JMY: variants seen among roughly 807,000 people sequenced by gnomAD.
JMY encodes the protein junction mediating and regulatory protein, p53 cofactor.
JMY carries 46 observed loss-of-function variants against 103.3 expected under a neutral mutation model. That is an observed-to-expected ratio of 0.45 (90% CI 0.35 to 0.57). The LOEUF (loss-of-function observed/expected upper bound fraction) is 0.57. Ranked by LOEUF, JMY falls within the 20% of genes least tolerant of loss-of-function variation. The pLI is 0.00. For synonymous variants in JMY, 526 were observed against 489.3 expected, an observed-to-expected ratio of 1.07 and a Z score of -0.99; for missense variants, 1,238 against 1,255.2, an observed-to-expected ratio of 0.99 and a Z score of 0.21.
intron 1 of JMY, among the ~76,000 whole-genome samples, chr5:79,271,466 C>T (rs1232809179): frequency 6.6e-6 from 1 of 152,142 alleles, no homozygotes; most frequent in Non-Finnish European, 1.5e-5. Context: ...TAATTTCTTT[C>T]TTAAATATCT....
chr5:79,278,373 C>T (rs907506398), intron 2 of JMY, among the ~76,000 whole-genome samples: 2 of 151,818 alleles, frequency 1.3e-5, no homozygotes, highest in Non-Finnish European at 2.9e-5. Flanking sequence ...CCTATTTTCT[C>T]CCTTTCCTGC....
intron 1 of JMY, among the ~76,000 whole-genome samples, chr5:79,249,403 G>T (rs560931446): frequency 1.3e-5 from 2 of 152,208 alleles, no homozygotes; most frequent in Admixed American, 1.3e-4. Flanking sequence ...AAAAGGAAAT[G>T]ATATGCCAGC....
At chr5:79,268,244 A>G (rs1257147342) in intron 1 of JMY, among the ~76,000 whole-genome samples, 1 of 152,144 alleles carries the variant, frequency 6.6e-6, no homozygotes, top group Non-Finnish European at 1.5e-5. Flanking sequence ...CTGCCTGTCT[A>G]TCTCTCAGTC....
chr5:79,269,928 A>G (rs1404354990), intron 1 of JMY, among the ~76,000 whole-genome samples: 1 of 151,774 alleles, frequency 6.6e-6, no homozygotes, highest in African/African-American at 2.4e-5. Context: ...ATGATGTCCT[A>G]CTATGTTGCC....
At position 79,247,367 on chromosome 5, in the gene JMY, A is replaced by G. The variant is rs370160120; in HGVS notation, c.1032+9685A>G. On this transcript the variant is annotated intron_variant, in intron 1 of 10. Coordinates refer to ENST00000396137, the MANE Select transcript of JMY (RefSeq NM_152405.5). Reference sequence around the variant, plus strand: ...ACCCAGGCTGGAGTGTGGTGGCGTGATCTCGGTTCACTGCAACCTCCACCT... The same window carrying G: ...ACCCAGGCTGGAGTGTGGTGGCGTGGTCTCGGTTCACTGCAACCTCCACCT... 2.0e-4 allele frequency among the ~76,000 whole-genome samples: 31 copies of G among 151,994 alleles called. No homozygotes were observed. In the South Asian group the frequency reaches 4.6e-3, roughly 22 times the overall value.
chr5:79,271,039 T>C (rs1745768822), intron 1 of JMY, among the ~76,000 whole-genome samples: 1 of 151,968 alleles, frequency 6.6e-6, no homozygotes, highest in African/African-American at 2.4e-5. Context: ...TTGTGGAGGA[T>C]TTTTGTGTCT....
At chr5:79,278,792 TC>T (rs367923795) in intron 2 of JMY, among the ~76,000 whole-genome samples, 8 of 140,044 alleles carry the variant, frequency 5.7e-5, no homozygotes, top group Non-Finnish European at 9.6e-5. Flanking sequence ...TGGGAACATT[TC>T]TTTTTTTTTT....
chr5:79,286,910 TC>T (rs1381353261), intron 2 of JMY, among the ~76,000 whole-genome samples: 1 of 152,156 alleles, frequency 6.6e-6, no homozygotes, highest in Non-Finnish European at 1.5e-5. Context: ...CTAAGGTACT[TC>T]CAGAGGAAGC....
At chr5:79,317,540 A>C (rs897452610) in intron 10 of JMY, among the ~76,000 whole-genome samples, 1 of 152,218 alleles carries the variant, frequency 6.6e-6, no homozygotes, top group Non-Finnish European at 1.5e-5. Flanking sequence ...AAATTTATAG[A>C]GTATACAAAC....
chr5:79,250,560 C>T (rs886510769), intron 1 of JMY, among the ~76,000 whole-genome samples: 24 of 151,886 alleles, frequency 1.6e-4, no homozygotes, highest in African/African-American at 5.6e-4. Context: ...CCTCTGGAAG[C>T]CCTTAAAAAT....
intron 10 of JMY, among the ~76,000 whole-genome samples, chr5:79,318,223 C>T (rs930391050): frequency 2.0e-5 from 3 of 151,324 alleles, no homozygotes; most frequent in African/African-American, 7.3e-5. Flanking sequence ...CCATCTTGGC[C>T]AGGCTGGTCT....
chr5:79,237,793 T>A, intron 1 of JMY, 111 bp downstream of exon 1: 1 of 956,608 alleles, frequency 1.0e-6, no homozygotes, highest in Non-Finnish European at 1.5e-6. Flanking sequence ...GTTGTTTTTC[T>A]GGACAAGCGG....
intron 9 of JMY, among the ~76,000 whole-genome samples, chr5:79,315,166 T>A (rs1428443597): frequency 6.6e-6 from 1 of 152,074 alleles, no homozygotes; most frequent in Non-Finnish European, 1.5e-5. Flanking sequence ...TTTAAAAAAA[T>A]ACTCATATCA....
intron 1 of JMY, among the ~76,000 whole-genome samples, chr5:79,243,996 TCTTTTTTTC>T (rs1413503774): frequency 6.6e-6 from 1 of 151,712 alleles, no homozygotes; most frequent in African/African-American, 2.4e-5. Flanking sequence ...CTTTCTTTTT[TCTTTTTTTC>T]CTTTTTTTTT....
At position 79,324,893 on chromosome 5, in the gene JMY, C is replaced by CT. The variant is rs1195707672; in HGVS notation, c.*3292dup. On this transcript the variant is annotated 3_prime_UTR_variant, in exon 11 of 11. Coordinates refer to ENST00000396137, the MANE Select transcript of JMY (RefSeq NM_152405.5). ...ATAATTTTCAGCACTTTGACTTACTCTATGTAATAAGGAAAAAAATTGTTT... is the reference window on the plus strand; with the variant it reads ...ATAATTTTCAGCACTTTGACTTACTCTTATGTAATAAGGAAAAAAATTGTTT... 1 of 152,544 alleles carries CT rather than the reference C, an allele frequency of 6.6e-6. No individual in the cohort carries two copies. The highest frequency in any genetic ancestry group is 6.6e-5 in the Admixed American group (1 of 15,264). 9.4% of individuals were successfully genotyped at this position (152,544 alleles called of 1,614,324 possible). A position where few individuals can be genotyped will look rare whatever the true frequency, so the allele number is the denominator to read the frequency against.
chr5:79,303,805 A>G (rs911997697), intron 6 of JMY, among the ~76,000 whole-genome samples: 1 of 152,116 alleles, frequency 6.6e-6, no homozygotes. Context: ...TTGGGAGACT[A>G]TTGGGGCCTT....
chr5:79,288,409 A>G (rs1364234835), intron 2 of JMY, among the ~76,000 whole-genome samples: 3 of 148,902 alleles, frequency 2.0e-5, no homozygotes, highest in African/African-American at 7.5e-5. Flanking sequence ...TCTGCAGTTA[A>G]TGAACCTCAA....
chr5:79,278,232 A>G (rs1746003953), intron 2 of JMY, 149 bp downstream of exon 2: 1 of 678,326 alleles, frequency 1.5e-6, no homozygotes. Flanking sequence ...GTTTGGTAGA[A>G]TAGGGTTGTA....
intron 2 of JMY, 71 bp from the exon 3 acceptor site, chr5:79,290,050 A>C: frequency 9.0e-7 from 1 of 1,112,578 alleles, no homozygotes; most frequent in Non-Finnish European, 1.2e-6. Context: ...GTGGTATATA[A>C]ACTTTAAATG....
Sources: gnomAD v4.1 joint callset for allele counts (sites outside exome capture counted in the v4.1 genomes callset) on GRCh38, gnomAD v4.1.1 for gene constraint, MANE v1.5 for transcripts, NCBI Gene and HGNC (gene_info 2026-07-23, HGNC 2026-07-21) for gene names.